Variants in TRIM36 observed in about 807,000 individuals in gnomAD.
The protein encoded by TRIM36 is E3 ubiquitin-protein ligase TRIM36.
A neutral mutation model predicts 72.4 loss-of-function variants in TRIM36; 42 were observed. The observed-to-expected ratio is 0.58, with a 90% CI of 0.45 to 0.75. The LOEUF is 0.75. TRIM36 is among the 30% of genes least tolerant of loss of function. The probability of loss-of-function intolerance (pLI) is 0.00; values close to 1 mark genes in which losing one functional copy is unlikely to be tolerated. For missense variants in TRIM36, 913 were observed against 857.1 expected, an observed-to-expected ratio of 1.07 and a Z score of -0.81; for synonymous variants, 315 against 282.8, an observed-to-expected ratio of 1.11 and a Z score of -1.14.
intron 2 of TRIM36, chr5:115,149,473 A>T (rs1753767796): frequency 6.6e-6 from 1 of 150,400 alleles, no homozygotes; most frequent in African/African-American, 2.4e-5. Context: ...ATTATGACCA[A>T]TTAAAGTAAC....
At chr5:115,139,540 G>A (rs1054534292) in intron 5 of TRIM36, among the ~76,000 whole-genome samples, 23 of 152,088 alleles carry the variant, frequency 1.5e-4, no homozygotes, top group African/African-American at 4.8e-4. Context: ...TCCTAACCCC[G>A]ACAGCCACAT....
At chr5:115,165,810 C>A (rs575075178) in intron 1 of TRIM36, among the ~76,000 whole-genome samples, 1 of 152,130 alleles carries the variant, frequency 6.6e-6, no homozygotes, top group South Asian at 2.1e-4. Flanking sequence ...TGCCTCTCTT[C>A]CCCCACATGC....
chr5:115,159,833 C>G (rs1169414503), intron 2 of TRIM36, among the ~76,000 whole-genome samples: 3 of 151,982 alleles, frequency 2.0e-5, no homozygotes, highest in Non-Finnish European at 4.4e-5. Context: ...ATTTATGAAG[C>G]CAGGAGCATA....
At position 115,137,428 on chromosome 5, in the gene TRIM36, A is replaced by G. The variant is rs1175676857; in HGVS notation, c.1020T>C (p.Ala340=). Residue 340 remains alanine (A), a synonymous_variant, in exon 6 of 10, where the codon GCT becomes GCC. Coordinates refer to ENST00000513154, the MANE Select transcript of TRIM36 (RefSeq NM_001300759.2). ...GATCTGTCTCCTTTAGCACTTCTTG[A>G]GCATATCCCACAAGTCCATTGTTCT... ...LLENNGLVGY[A]QEVLKETDQS... is the part of the protein sequence containing the mutation. The G allele has an allele frequency of 1.2e-6, 2 of 1,614,110 alleles. No homozygotes were observed. The highest frequency in any genetic ancestry group is 1.7e-6 in the Non-Finnish European group (2 of 1,180,006).
chr5:115,164,866 A>T (rs1754678258), intron 1 of TRIM36, among the ~76,000 whole-genome samples: 1 of 152,234 alleles, frequency 6.6e-6, no homozygotes, highest in South Asian at 2.1e-4. Context: ...TGGAGAATCA[A>T]AAGCAAGTTA....
In TRIM36 at chr5:115,125,540, T is replaced by C. The variant is rs1752327968; in HGVS notation, c.*963A>G. ...AACGCTACTAAAATATATAATGAAC[T>C]TTTCAAACATGTAAATATAAATCAG... On this transcript the variant is annotated 3_prime_UTR_variant, in exon 10 of 10. Transcript: ENST00000513154. 2.0e-5 allele frequency: 3 copies of C among 152,080 alleles called. No individual in the cohort carries two copies. The highest frequency in any genetic ancestry group is 7.2e-5 in the African/African-American group (3 of 41,440). The allele number at this position is 152,080 out of a possible 1,614,324, so 9.4% of individuals were successfully genotyped here.
In TRIM36 at chr5:115,162,768, C is replaced by T. The variant is rs569323578; in HGVS notation, c.262+750G>A. 1.1e-3 allele frequency among the ~76,000 whole-genome samples: 170 copies of T among 151,988 alleles called. 1 individual carries two copies. The highest frequency in any genetic ancestry group is 1.7e-3 in the Non-Finnish European group (116 of 67,982). On this transcript the variant is annotated intron_variant, in intron 2 of 9. Transcript: ENST00000513154. ...GGATGCTGTCTTTCCCTCCTCAGTG[C>T]GCCAGATTGGCAGCAAGGGAGGAAA...
chr5:115,133,742 C>A, intron 8 of TRIM36, 118 bp downstream of exon 8: 2 of 1,043,794 alleles, frequency 1.9e-6, no homozygotes, highest in East Asian at 2.9e-5. Context: ...TTTCTGGAGT[C>A]TTTTAAAAAC....
intron 1 of TRIM36, chr5:115,177,412 A>G (rs902058415): frequency 6.5e-6 from 4 of 611,842 alleles, no homozygotes; most frequent in Non-Finnish European, 8.5e-6. Context: ...CAGGCCAACT[A>G]CAGGCCTCTA....
chr5:115,177,649 G>A, intron 1 of TRIM36: 1 of 1,583,166 alleles, frequency 6.3e-7, no homozygotes, highest in Non-Finnish European at 8.6e-7. Context: ...ATTTGAGCCT[G>A]AGGAGAGTGG....
upstream of TRIM36, among the ~76,000 whole-genome samples, chr5:115,172,308 T>C (rs560900999): frequency 2.6e-5 from 4 of 152,354 alleles, no homozygotes; most frequent in East Asian, 1.9e-4. Flanking sequence ...CCTACTGTAA[T>C]ACTTGCATGT....
chr5:115,141,193 A>G (rs1358966707), intron 5 of TRIM36, 86 bp downstream of exon 5: 2 of 997,022 alleles, frequency 2.0e-6, no homozygotes, highest in African/African-American at 3.3e-5. Flanking sequence ...AGCTCATATA[A>G]TACTCTCAGG....
chr5:115,132,941 A>G (rs774057986), intron 8 of TRIM36, among the ~76,000 whole-genome samples: 6 of 152,248 alleles, frequency 3.9e-5, no homozygotes, highest in Admixed American at 6.5e-5. Flanking sequence ...TTTAAGAAAT[A>G]TAATTTTAGC....
chr5:115,148,296 A>G (rs983227400), intron 2 of TRIM36: 1 of 975,422 alleles, frequency 1.0e-6, no homozygotes, highest in African/African-American at 1.8e-5. Flanking sequence ...TATTATCCCA[A>G]TTTTAATAAA....
chr5:115,171,014 C>A, upstream of TRIM36: 2 of 1,565,924 alleles, frequency 1.3e-6, no homozygotes, highest in Non-Finnish European at 1.7e-6. Flanking sequence ...GCTAGCTAAA[C>A]AATTCATTCC....
At chr5:115,138,388 C>T (rs1353649218) in intron 5 of TRIM36, among the ~76,000 whole-genome samples, 3 of 152,026 alleles carry the variant, frequency 2.0e-5, no homozygotes, top group Non-Finnish European at 2.9e-5. Flanking sequence ...CATGAGCCAC[C>T]GCGCCTGGCC....
intron 9 of TRIM36, among the ~76,000 whole-genome samples, chr5:115,127,080 T>C (rs980625769): frequency 1.1e-4 from 17 of 152,244 alleles, no homozygotes; most frequent in African/African-American, 3.4e-4. Context: ...TTTAGTTATA[T>C]ACAGAAGTGA....
At chr5:115,146,486 G>C (rs988357738) in intron 3 of TRIM36, among the ~76,000 whole-genome samples, 2 of 151,894 alleles carry the variant, frequency 1.3e-5, no homozygotes, top group Non-Finnish European at 2.9e-5. Context: ...CACACAGCAG[G>C]GCAAACAATA....
intron 2 of TRIM36, among the ~76,000 whole-genome samples, chr5:115,147,852 G>C (rs891082930): frequency 6.6e-6 from 1 of 152,188 alleles, no homozygotes; most frequent in African/African-American, 2.4e-5. Context: ...AGCCCATGAA[G>C]AGGCCCAGGC....
Sources: allele counts gnomAD v4.1 joint callset (sites outside exome capture counted in the v4.1 genomes callset), GRCh38; gene constraint gnomAD v4.1.1; transcripts MANE v1.5; gene names NCBI Gene and HGNC (gene_info 2026-07-23, HGNC 2026-07-21).